METTL8: variants seen among roughly 807,000 people sequenced by gnomAD.
METTL8 encodes methyltransferase 8, tRNA N3-cytidine, also known as tRNA N(3)-cytidine methyltransferase METTL8, mitochondrial.
METTL8 carries 32 observed loss-of-function variants against 48.7 expected under a neutral mutation model. The ratio of observed to expected loss-of-function variants is 0.66; its 90% CI spans 0.50 to 0.88. The LOEUF (loss-of-function observed/expected upper bound fraction) is 0.88, where lower values mean the gene tolerates loss of function less well. METTL8 is among the 40% of genes least tolerant of loss of function. The pLI is 0.00. For synonymous variants in METTL8, 136 were observed against 157.1 expected (o/e 0.87, Z 1.01); for missense variants, 464 against 474.4 (o/e 0.98, Z 0.20).
At chr2:171,331,631 G>A in intron 6 of METTL8, 173 bp downstream of exon 6, 2 of 527,890 alleles carry the variant, frequency 3.8e-6, no homozygotes, top group South Asian at 4.0e-5. Context: ...TGGCCAGGCT[G>A]GTCTCAAACT....
chr2:171,383,107 C>T (rs1397924962), intron 2 of METTL8, among the ~76,000 whole-genome samples: 1 of 152,016 alleles, frequency 6.6e-6, no homozygotes, highest in African/African-American at 2.4e-5. Flanking sequence ...CCCCAAAAAA[C>T]ACACATGTGT....
chr2:171,396,663 A>C (rs1689093544), intron 1 of METTL8, among the ~76,000 whole-genome samples: 1 of 152,234 alleles, frequency 6.6e-6, no homozygotes, highest in South Asian at 2.1e-4. Flanking sequence ...CACAGCTATA[A>C]ATAACCTATG....
intron 5 of METTL8, among the ~76,000 whole-genome samples, chr2:171,333,857 T>C (rs1327402945): frequency 6.6e-6 from 1 of 152,090 alleles, no homozygotes; most frequent in African/African-American, 2.4e-5. Flanking sequence ...AATTCCCTCA[T>C]CTTTAAAAAA....
intron 2 of METTL8, among the ~76,000 whole-genome samples, chr2:171,379,109 C>T (rs1360243378): frequency 6.6e-6 from 1 of 152,204 alleles, no homozygotes; most frequent in Non-Finnish European, 1.5e-5. Flanking sequence ...AAAACTCACT[C>T]AAAACCACAC....
chr2:171,345,792 C>T (rs113174283), intron 3 of METTL8, among the ~76,000 whole-genome samples: 205 of 152,100 alleles, frequency 1.3e-3, no homozygotes, highest in Non-Finnish European at 2.2e-3. Context: ...ATTACATTTG[C>T]TAAATAACTG....
chr2:171,388,638 C>G (rs906988713), intron 2 of METTL8, among the ~76,000 whole-genome samples: 1 of 152,138 alleles, frequency 6.6e-6, no homozygotes, highest in Admixed American at 6.5e-5. Flanking sequence ...ACAGGCATAT[C>G]TTGTATAATT....
At chr2:171,359,565 C>T (rs190902186) in intron 3 of METTL8, among the ~76,000 whole-genome samples, 16 of 152,116 alleles carry the variant, frequency 1.1e-4, no homozygotes, top group African/African-American at 3.9e-4. Context: ...ACTGCACTCC[C>T]ATGTCTACTG....
At chr2:171,385,242 C>A (rs752160400) in intron 2 of METTL8, among the ~76,000 whole-genome samples, 3 of 151,600 alleles carry the variant, frequency 2.0e-5, no homozygotes, top group Non-Finnish European at 2.9e-5. Context: ...GCAAGACCCC[C>A]CCTCTCTAAA....
chr2:171,330,740 A>T (rs780057270), intron 6 of METTL8, 42 bp from the exon 7 acceptor site: 2 of 1,519,502 alleles, frequency 1.3e-6, no homozygotes, highest in Non-Finnish European at 1.8e-6. Context: ...AGGACTTAGT[A>T]GACTTCCGGG....
At chr2:171,327,004 C>A (rs1295494107) in intron 7 of METTL8, 1 of 152,122 alleles carries the variant, frequency 6.6e-6, no homozygotes, top group Non-Finnish European at 1.5e-5. Context: ...TTAATCTTAC[C>A]AACAGCTTTC....
intron 6 of METTL8, among the ~76,000 whole-genome samples, chr2:171,331,352 G>A (rs946233500): frequency 4.6e-5 from 7 of 151,324 alleles, no homozygotes; most frequent in East Asian, 1.9e-4. Context: ...CTTGTGATCC[G>A]CCTGCCTCGG....
At chr2:171,388,845 A>G (rs1270129049) in intron 2 of METTL8, among the ~76,000 whole-genome samples, 1 of 152,204 alleles carries the variant, frequency 6.6e-6, no homozygotes, top group Non-Finnish European at 1.5e-5. Flanking sequence ...AGCTGTGATC[A>G]GTGATCTTTG....
chr2:171,385,490 C>T (rs1270227974), intron 2 of METTL8, among the ~76,000 whole-genome samples: 2 of 152,040 alleles, frequency 1.3e-5, no homozygotes, highest in African/African-American at 4.8e-5. Flanking sequence ...ACATCTTCTC[C>T]TTAAGAAGAA....
intron 2 of METTL8, among the ~76,000 whole-genome samples, chr2:171,376,769 G>A (rs966176704): frequency 4.6e-5 from 7 of 151,984 alleles, no homozygotes; most frequent in African/African-American, 7.3e-5. Context: ...AAAAATTACC[G>A]TACTGCCAAA....
At chr2:171,402,716 T>G (rs1689763931) in intron 1 of METTL8, among the ~76,000 whole-genome samples, 1 of 152,008 alleles carries the variant, frequency 6.6e-6, no homozygotes, top group Non-Finnish European at 1.5e-5. Flanking sequence ...TTCTAACCAT[T>G]CTCTAATAAA....
chr2:171,378,143 C>G (rs1282026474), intron 2 of METTL8, among the ~76,000 whole-genome samples: 4 of 152,142 alleles, frequency 2.6e-5, no homozygotes, highest in Non-Finnish European at 4.4e-5. Flanking sequence ...CACAGACTGG[C>G]AAACTGGATA....
intron 2 of METTL8, among the ~76,000 whole-genome samples, chr2:171,381,018 C>A (rs1464273677): frequency 2.6e-5 from 4 of 152,248 alleles, no homozygotes; most frequent in East Asian, 1.9e-4. Context: ...GCTACAGTAA[C>A]CAAAACAGCA....
intron 3 of METTL8, among the ~76,000 whole-genome samples, chr2:171,347,544 T>C (rs942046617): frequency 1.1e-4 from 16 of 152,344 alleles, no homozygotes; most frequent in Non-Finnish European, 2.1e-4. Context: ...AAAAAAATCC[T>C]TGGTTTTTCA....
chr2:171,382,673 T>C (rs1202160423), intron 2 of METTL8, among the ~76,000 whole-genome samples: 1 of 152,146 alleles, frequency 6.6e-6, no homozygotes, highest in Non-Finnish European at 1.5e-5. Context: ...TATGCCTATG[T>C]AACAAACCTG....
Sources: gnomAD v4.1 joint callset for allele counts (sites outside exome capture counted in the v4.1 genomes callset) on GRCh38, gnomAD v4.1.1 for gene constraint, MANE v1.5 for transcripts, NCBI Gene and HGNC (gene_info 2026-07-23, HGNC 2026-07-21) for gene names.